The following FAM162A variants were observed in gnomAD, a reference collection of about 807,000 sequenced individuals.
The protein encoded by FAM162A is family with sequence similarity 162 member A.
In FAM162A, 23 loss-of-function variants were observed where a neutral mutation model predicts 21.8. The observed-to-expected ratio is 1.05, with a 90% CI of 0.76 to 1.49. The LOEUF is 1.49. FAM162A is among the 40% of genes most tolerant of loss of function. The pLI, the probability that FAM162A is intolerant of heterozygous loss-of-function variation, is 0.00. For synonymous variants in FAM162A, 53 were observed against 61.3 expected (o/e 0.86, Z 0.64); for missense variants, 165 against 186.4 (o/e 0.89, Z 0.67).
In FAM162A at chr3:122,411,889, A is replaced by AGC. The variant is rs2075707337; in HGVS notation, c.*2059_*2060dup. 6.6e-6 allele frequency: 1 copy of AGC among 152,180 alleles called. No individual in the cohort carries two copies. The highest frequency in any genetic ancestry group is 2.1e-4 in the South Asian group (1 of 4,832). 9.4% of individuals were successfully genotyped at this position (152,180 alleles called of 1,614,324 possible). On this transcript the variant is annotated 3_prime_UTR_variant, in exon 5 of 5. Coordinates refer to ENST00000477892, the MANE Select transcript of FAM162A (RefSeq NM_014367.4). ...TATTACAAATATTACATTAAACTAA[A>AGC]GCTCACAACTGTTATTATGCATCAG...
chr3:122,395,696 CATACAGAAATTTAGAAATTT>C (rs1275217928), intron 1 of FAM162A, among the ~76,000 whole-genome samples: 1 of 152,126 alleles, frequency 6.6e-6, no homozygotes, highest in Non-Finnish European at 1.5e-5. Flanking sequence ...TCCTCAAATT[CATACAGAAATTTAGAAATTT>C]AAGGGACCCT....
At chr3:122,385,963 CAT>C (rs2075572556) in intron 1 of FAM162A, among the ~76,000 whole-genome samples, 3 of 152,164 alleles carry the variant, frequency 2.0e-5, no homozygotes, top group Admixed American at 1.3e-4. Context: ...AATGAAGAAA[CAT>C]AGGTCAGAGA....
chr3:122,407,651 G>GGGCCGGGCGCGGTGGCTC, intron 4 of FAM162A: 1 of 485,248 alleles, frequency 2.1e-6, no homozygotes, highest in Non-Finnish European at 3.7e-6. Flanking sequence ...AAGTGTTTCT[G>GGGCCGGGCGCGGTGGCTC]ATGACAGGTG....
rs148260662 is a variant in FAM162A at position 122,392,538 on chromosome 3, A to G, written c.34+8239A>G. Among the ~76,000 whole-genome samples the G allele has an allele frequency of 2.2e-3, 336 of 152,372 alleles. 4 individuals are homozygous for G. The highest frequency in any genetic ancestry group is 7.5e-3 in the African/African-American group (312 of 41,586). ...AGGGGAGAGAAAAGCCTAGGTTCTC[A>G]AAGTATAGTCCAGAACCAGCATAGC... On this transcript the variant is annotated intron_variant, in intron 1 of 4. Transcript: ENST00000477892.
At chr3:122,400,537 G>A (rs1242397426) in intron 1 of FAM162A, among the ~76,000 whole-genome samples, 2 of 151,966 alleles carry the variant, frequency 1.3e-5, no homozygotes, top group African/African-American at 2.4e-5. Context: ...GAAAAAGACT[G>A]AGAATGGCCG....
chr3:122,411,298 A>C lies in FAM162A; in HGVS notation c.*1467A>C, dbSNP rs887426762. On this transcript the variant is annotated 3_prime_UTR_variant, in exon 5 of 5. Coordinates refer to ENST00000477892, the MANE Select transcript of FAM162A (RefSeq NM_014367.4). ...TTTATGATGTCTGTCTATATACTTTAATTTGGCCTTAGCTTCTTTGTAGGT... is the reference window on the plus strand; with the variant it reads ...TTTATGATGTCTGTCTATATACTTTCATTTGGCCTTAGCTTCTTTGTAGGT... The C allele has an allele frequency of 6.6e-6, 1 of 152,178 alleles. No homozygotes were observed. The highest frequency in any genetic ancestry group is 1.5e-5 in the Non-Finnish European group (1 of 68,020). The allele number at this position is 152,178 out of a possible 1,614,324, so 9.4% of individuals were successfully genotyped here.
chr3:122,396,889 C>T (rs571854295), intron 1 of FAM162A, among the ~76,000 whole-genome samples: 1 of 152,136 alleles, frequency 6.6e-6, no homozygotes, highest in East Asian at 1.9e-4. Context: ...TTGTATGATT[C>T]CATTTATATA....
chr3:122,386,920 T>C (rs577994521), intron 1 of FAM162A, among the ~76,000 whole-genome samples: 1 of 152,308 alleles, frequency 6.6e-6, no homozygotes, highest in Non-Finnish European at 1.5e-5. Context: ...ATTTTATATC[T>C]GCTACTCAGA....
chr3:122,394,801 C>T (rs1458060372), intron 1 of FAM162A, among the ~76,000 whole-genome samples: 1 of 152,080 alleles, frequency 6.6e-6, no homozygotes, highest in African/African-American at 2.4e-5. Flanking sequence ...GCCACATTAT[C>T]CTCATACCAA....
At chr3:122,407,576 T>A (rs2075682785) in intron 4 of FAM162A, 187 bp downstream of exon 4, 2 of 504,314 alleles carry the variant, frequency 4.0e-6, no homozygotes, top group Non-Finnish European at 7.1e-6. Flanking sequence ...TGGGGATAGA[T>A]AGCAAATCCT....
intron 1 of FAM162A, among the ~76,000 whole-genome samples, chr3:122,385,402 A>G (rs1416299548): frequency 6.6e-6 from 1 of 152,190 alleles, no homozygotes; most frequent in African/African-American, 2.4e-5. Flanking sequence ...TGATTTTGTC[A>G]GTTTTGTTGA....
Position 122,384,201 on chromosome 3 carries a change from T to C in FAM162A, c.-65T>C. 6 of 1,546,148 alleles carry C rather than the reference T, an allele frequency of 3.9e-6. No homozygotes were observed. Among genetic ancestry groups the C allele is most frequent in the Non-Finnish European group, 5.2e-6 (6 of 1,143,728 alleles). On this transcript the variant is annotated 5_prime_UTR_variant, in exon 1 of 5. Transcript: ENST00000477892. ...CTTCCCACTCCAACGCTGGGTGACATTGAGCTCACCAGCGCCACCGTCCCC... is the reference window on the plus strand; with the variant it reads ...CTTCCCACTCCAACGCTGGGTGACACTGAGCTCACCAGCGCCACCGTCCCC...
At chr3:122,394,983 A>T (rs1485677943) in intron 1 of FAM162A, among the ~76,000 whole-genome samples, 1 of 152,234 alleles carries the variant, frequency 6.6e-6, no homozygotes, top group Non-Finnish European at 1.5e-5. Context: ...CTGACTCAAC[A>T]TCATTCACCA....
chr3:122,395,465 G>A (rs776648829), intron 1 of FAM162A, among the ~76,000 whole-genome samples: 2 of 152,134 alleles, frequency 1.3e-5, no homozygotes, highest in Non-Finnish European at 2.9e-5. Context: ...ATTTATAATA[G>A]CATCAAAAAG....
intron 1 of FAM162A, among the ~76,000 whole-genome samples, chr3:122,394,842 T>C (rs1039878735): frequency 1.3e-5 from 2 of 152,106 alleles, no homozygotes; most frequent in African/African-American, 4.8e-5. Flanking sequence ...AAGAAAACTA[T>C]AGACCCATAT....
chr3:122,407,211 C>T, intron 3 of FAM162A, 70 bp from the exon 4 acceptor site: 1 of 1,306,168 alleles, frequency 7.7e-7, no homozygotes, highest in Non-Finnish European at 1.1e-6. Context: ...TATACACAGC[C>T]TTTTATCCTG....
intron 2 of FAM162A, among the ~76,000 whole-genome samples, chr3:122,403,630 C>G (rs2075662379): frequency 1.3e-5 from 2 of 152,206 alleles, no homozygotes; most frequent in Admixed American, 1.3e-4. Flanking sequence ...CTTTCCTTCC[C>G]CAACTGGGTC....
intron 1 of FAM162A, among the ~76,000 whole-genome samples, chr3:122,396,063 A>G (rs955468595): frequency 6.6e-6 from 1 of 152,200 alleles, no homozygotes; most frequent in Non-Finnish European, 1.5e-5. Flanking sequence ...TCACAGACCT[A>G]AATGTTAGAG....
intron 1 of FAM162A, among the ~76,000 whole-genome samples, chr3:122,386,570 A>AG (rs371860244): frequency 0.2 from 30,853 of 150,582 alleles, 3,730 homozygotes; most frequent in African/African-American, 0.33. Flanking sequence ...AAAAAAAAAA[A>AG]AAAAGAAAAG....
Sources: allele counts gnomAD v4.1 joint callset (sites outside exome capture counted in the v4.1 genomes callset), GRCh38; gene constraint gnomAD v4.1.1; transcripts MANE v1.5; gene names NCBI Gene and HGNC (gene_info 2026-07-23, HGNC 2026-07-21).